Variants in ELOVL7 observed in about 807,000 individuals in gnomAD.
ELOVL7 encodes ELOVL fatty acid elongase 7, also known as very long chain fatty acid elongase 7.
In ELOVL7, 27 loss-of-function variants were observed where a neutral mutation model predicts 35.7. The ratio of observed to expected loss-of-function variants is 0.76; its 90% confidence interval spans 0.56 to 1.04. ELOVL7 has a LOEUF of 1.04. Among genes scored for constraint, ELOVL7 ranks in the 50% least tolerant of loss-of-function variants. The pLI, the probability that ELOVL7 is intolerant of heterozygous loss-of-function variation, is 0.00. For synonymous variants in ELOVL7, 113 were observed against 114.6 expected (o/e 0.99, Z 0.09); for missense variants, 327 against 340.8 (o/e 0.96, Z 0.32).
intron 7 of ELOVL7, among the ~76,000 whole-genome samples, chr5:60,761,121 C>T (rs977131319): frequency 2.6e-5 from 4 of 151,974 alleles, no homozygotes; most frequent in African/African-American, 9.7e-5. Flanking sequence ...TTTTCTAAGC[C>T]TGTTTTCTTC....
intron 1 of ELOVL7, among the ~76,000 whole-genome samples, chr5:60,827,004 C>T (rs1477394197): frequency 6.6e-6 from 1 of 152,104 alleles, no homozygotes; most frequent in African/African-American, 2.4e-5. Flanking sequence ...ACAAATTAAA[C>T]ATGAACACAG....
intron 2 of ELOVL7, among the ~76,000 whole-genome samples, chr5:60,787,816 C>T (rs1470649348): frequency 6.6e-6 from 1 of 152,188 alleles, no homozygotes; most frequent in Non-Finnish European, 1.5e-5. Context: ...TCAAGAGATA[C>T]ACAAACTTTC....
intron 5 of ELOVL7, 53 bp downstream of exon 5, chr5:60,767,770 A>G: frequency 7.1e-7 from 1 of 1,399,128 alleles, no homozygotes; most frequent in South Asian, 1.2e-5. Flanking sequence ...CAAACAGTTC[A>G]CAAAATTTTA....
At chr5:60,825,542 T>C (rs923560454) in intron 1 of ELOVL7, among the ~76,000 whole-genome samples, 1 of 152,220 alleles carries the variant, frequency 6.6e-6, no homozygotes, top group Non-Finnish European at 1.5e-5. Flanking sequence ...GATGTTCTTC[T>C]GTTTTGTGCA....
intron 1 of ELOVL7, among the ~76,000 whole-genome samples, chr5:60,810,423 C>T (rs1745176728): frequency 6.6e-6 from 1 of 152,156 alleles, no homozygotes; most frequent in Non-Finnish European, 1.5e-5. Context: ...AAGCCCACTG[C>T]TTATCTAAAT....
rs376940111 is a variant in ELOVL7 at position 60,786,742 on chromosome 5, C to T, written c.64+592G>A. ...CGGGCGGATCACGAGGTCAGGAGAT[C>T]AAGACCATCCTAACACAGTGAAACC... is the stretch of plus-strand genomic sequence containing the variant. On this transcript the variant is annotated intron_variant, in intron 3 of 8. Coordinates refer to ENST00000508821, the MANE Select transcript of ELOVL7 (RefSeq NM_024930.3). 9.2e-5 allele frequency among the ~76,000 whole-genome samples: 14 copies of T among 152,070 alleles called. No homozygotes were observed. The East Asian group carries it at 2.5e-3, about 27-fold the overall frequency.
chr5:60,777,620 T>C (rs1742986270), intron 3 of ELOVL7, among the ~76,000 whole-genome samples: 2 of 152,104 alleles, frequency 1.3e-5, no homozygotes, highest in South Asian at 4.1e-4. Context: ...ATCACATAAA[T>C]GATGAACAAT....
At chr5:60,781,649 TA>T (rs1743264560) in intron 3 of ELOVL7, among the ~76,000 whole-genome samples, 2 of 152,180 alleles carry the variant, frequency 1.3e-5, no homozygotes, top group African/African-American at 4.8e-5. Flanking sequence ...GTTCTACAGA[TA>T]AAAAATAATT....
chr5:60,763,395 C>A (rs1386567447), intron 7 of ELOVL7, among the ~76,000 whole-genome samples: 1 of 152,126 alleles, frequency 6.6e-6, no homozygotes, highest in Non-Finnish European at 1.5e-5. Context: ...TGTGGTTCCC[C>A]CTTTCTTTTA....
intron 1 of ELOVL7, chr5:60,843,478 C>G (rs981786383): frequency 1.3e-5 from 2 of 152,312 alleles, no homozygotes; most frequent in Non-Finnish European, 2.9e-5. Context: ...ACCTGTTCCA[C>G]GGCTCTGTAT....
intron 1 of ELOVL7, among the ~76,000 whole-genome samples, chr5:60,835,040 A>G (rs1200450176): frequency 6.6e-6 from 1 of 151,656 alleles, no homozygotes; most frequent in African/African-American, 2.4e-5. Flanking sequence ...AAATACAAAA[A>G]TTAGCCGGGC....
rs951412550 is a variant in ELOVL7 at position 60,766,590 on chromosome 5, A to G, written c.377T>C (p.Ile126Thr). ...TCWLYYFSKFIELLDTIFFVL... is the reference protein window; with the variant it reads ...TCWLYYFSKFTELLDTIFFVL... ...TATACTCACCGTATCTAATAGCTCA[A>G]TAAATTTGGAGAAGTAATAAAGCCA... is the stretch of plus-strand genomic sequence containing the variant. The change falls in exon 6 of 9, where the codon ATT (isoleucine) becomes ACT (threonine). Residue 126 changes from isoleucine (I) to threonine (T), a missense_variant. Coordinates refer to ENST00000508821, the MANE Select transcript of ELOVL7 (RefSeq NM_024930.3). 1.2e-6 allele frequency: 2 copies of G among 1,612,680 alleles called. No homozygotes were observed. Among genetic ancestry groups the G allele is most frequent in the African/African-American group, 1.3e-5 (1 of 74,904 alleles).
intron 1 of ELOVL7, among the ~76,000 whole-genome samples, chr5:60,839,095 T>C (rs887686203): frequency 1.3e-4 from 19 of 151,966 alleles, no homozygotes; most frequent in African/African-American, 4.6e-4. Flanking sequence ...CCCAGCACTT[T>C]GGGAGGCTGA....
chr5:60,777,392 AT>A (rs893645996), intron 3 of ELOVL7, among the ~76,000 whole-genome samples: 64 of 151,390 alleles, frequency 4.2e-4, no homozygotes, highest in African/African-American at 1.6e-3. Flanking sequence ...TAAAAAAAAA[AT>A]TTTTAAAAGA....
intron 1 of ELOVL7, among the ~76,000 whole-genome samples, chr5:60,824,153 G>A (rs1304042091): frequency 6.6e-6 from 1 of 152,220 alleles, no homozygotes; most frequent in Non-Finnish European, 1.5e-5. Flanking sequence ...GCTTTGCCAG[G>A]TAAATATGGA....
intron 4 of ELOVL7, among the ~76,000 whole-genome samples, chr5:60,769,192 G>T (rs1470663987): frequency 6.6e-6 from 1 of 152,186 alleles, no homozygotes; most frequent in Non-Finnish European, 1.5e-5. Flanking sequence ...AATAGATTTT[G>T]CCAAATGAAT....
intron 2 of ELOVL7, among the ~76,000 whole-genome samples, chr5:60,792,742 A>T (rs1744013715): frequency 6.6e-6 from 1 of 152,188 alleles, no homozygotes; most frequent in African/African-American, 2.4e-5. Context: ...TGGTAGAGAT[A>T]TCCTTTAGTT....
chr5:60,828,444 C>A (rs1746300071), intron 1 of ELOVL7, among the ~76,000 whole-genome samples: 1 of 152,012 alleles, frequency 6.6e-6, no homozygotes, highest in Admixed American at 6.6e-5. Flanking sequence ...AAAACATATA[C>A]CTAACAGCTC....
At chr5:60,780,339 C>T (rs1040392442) in intron 3 of ELOVL7, among the ~76,000 whole-genome samples, 8 of 151,994 alleles carry the variant, frequency 5.3e-5, no homozygotes, top group Non-Finnish European at 8.8e-5. Flanking sequence ...AGGCTGGTTG[C>T]GAACTCCCGA....
Sources: allele counts gnomAD v4.1 joint callset (sites outside exome capture counted in the v4.1 genomes callset), GRCh38; gene constraint gnomAD v4.1.1; transcripts MANE v1.5; gene names NCBI Gene and HGNC (gene_info 2026-07-23, HGNC 2026-07-21).